The following HDAC10 variants were observed in gnomAD, a reference collection of about 807,000 sequenced individuals.
HDAC10 encodes the protein polyamine deacetylase HDAC10.
HDAC10 carries 90 observed loss-of-function variants against 82.3 expected under a neutral mutation model. The ratio of observed to expected loss-of-function variants is 1.09; its 90% CI spans 0.92 to 1.30. HDAC10 has a LOEUF of 1.30. Among genes scored for constraint, HDAC10 ranks in the 50% most tolerant of loss-of-function variants. The probability of loss-of-function intolerance (pLI) is 0.00; values close to 1 mark genes in which losing one functional copy is unlikely to be tolerated. For synonymous variants in HDAC10, 456 were observed against 391.7 expected (o/e 1.16, Z -1.94); for missense variants, 934 against 876.3 (o/e 1.07, Z -0.83).
At position 50,248,925 on chromosome 22, in the gene HDAC10, A is replaced by G. The variant is rs372265572; in HGVS notation, c.757-35T>C. On this transcript the variant is annotated intron_variant, in intron 8 of 19. Transcript: ENST00000216271. This position sits in a 1 kb window ranked among gnomAD's most constrained non-coding sequence, Gnocchi z 5.4. ...AGGCCGGAGTGGGGAGGGTCGACAG[A>G]GAGGGGCTGGAGCCCAGGTGAGGGC... 7.5e-6 allele frequency: 12 copies of G among 1,599,892 alleles called. No homozygotes were observed. Among genetic ancestry groups the G allele is most frequent in the Admixed American group, 3.4e-5 (2 of 58,468 alleles).
chr22:50,249,284 G>A lies in HDAC10; in HGVS notation c.690+44C>T, dbSNP rs2147241516. 2 of 1,509,924 alleles carry A rather than the reference G, an allele frequency of 1.3e-6. No homozygotes were observed. Among genetic ancestry groups the A allele is most frequent in the Non-Finnish European group, 8.9e-7 (1 of 1,122,630 alleles). 93.5% of individuals were successfully genotyped at this position (1,509,924 alleles called of 1,614,324 possible). On this transcript the variant is annotated intron_variant, in intron 7 of 19. Coordinates refer to ENST00000216271, the MANE Select transcript of HDAC10 (RefSeq NM_032019.6). This position sits in a 1 kb window ranked among gnomAD's most constrained non-coding sequence, Gnocchi z 4.4. ...AACTGTGGGGGAGGGGAGGGGCCCA[G>A]GGGGAGGGGGCTGGGTGGGGACCTG...
rs1462084056 is a variant in HDAC10 at position 50,249,855 on chromosome 22, C to A, written c.494+5G>T. 1.9e-6 allele frequency: 3 copies of A among 1,611,036 alleles called. No homozygotes were observed. The Admixed American group carries it at 5.0e-5, about 27-fold the overall frequency. On this transcript the variant is annotated splice_donor_5th_base_variant and intron_variant, in intron 5 of 19. Coordinates refer to ENST00000216271, the MANE Select transcript of HDAC10 (RefSeq NM_032019.6). The surrounding 1 kb of genome is among the most constrained non-coding windows in gnomAD (Gnocchi z 4.4). ...CCACCCCCCTGCAGCCAGCCTGGCA[C>A]ACACCTGTGTAGCCCGTGTTTCTGC...
Position 50,251,064 on chromosome 22 carries a change from C to A in HDAC10, c.-32G>T, listed in dbSNP as rs993644992. 6.3e-6 allele frequency: 10 copies of A among 1,596,620 alleles called. No individual in the cohort carries two copies. The highest frequency in any genetic ancestry group is 8.5e-6 in the Non-Finnish European group (10 of 1,170,334). ...GCCGTGGTCACCCTGGGTTCCCAAA[C>A]GCCCTCGCTAGTGGTGCCTGCCACT... On this transcript the variant is annotated 5_prime_UTR_variant, in exon 1 of 20. Coordinates refer to ENST00000216271, the MANE Select transcript of HDAC10 (RefSeq NM_032019.6).
At position 50,246,689 on chromosome 22, in the gene HDAC10, C is replaced by T. The variant is rs565204645; in HGVS notation, c.1561G>A (p.Ala521Thr). The T allele has an allele frequency of 3.5e-5, 56 of 1,611,562 alleles. No homozygotes were observed. The highest frequency in any genetic ancestry group is 9.3e-5 in the African/African-American group (7 of 75,002). Residue 521 changes from alanine (A) to threonine (T), a missense_variant, in exon 16 of 20, where the codon GCC becomes ACC. Physicochemically the swap from Ala to Thr is moderately conservative, Grantham distance 58. Coordinates refer to ENST00000216271, the MANE Select transcript of HDAC10 (RefSeq NM_032019.6). ...ACCTGAGAGTCCTACCCGTCATGGG[C>T]GAGGTCTGGAGGCCGGTCCAGCTGT... is the stretch of plus-strand genomic sequence containing the variant. ...LGQLDRPPDL[A>T]HDGRSLWLNI...
rs755353964 is a variant in HDAC10 at position 50,247,677 on chromosome 22, C to A, written c.1422+15G>T. The A allele has an allele frequency of 2.6e-6, 4 of 1,547,190 alleles. No individual in the cohort carries two copies. The highest frequency in any genetic ancestry group is 3.5e-6 in the Non-Finnish European group (4 of 1,138,300). On this transcript the variant is annotated intron_variant, in intron 14 of 19. Coordinates refer to ENST00000216271, the MANE Select transcript of HDAC10 (RefSeq NM_032019.6). Reference sequence around the variant, plus strand: ...TAGGTCCACAGCATCCCCAACCCCTCCCAGGTGCTCCCACCTGCCCATCCA... The same window carrying A: ...TAGGTCCACAGCATCCCCAACCCCTACCAGGTGCTCCCACCTGCCCATCCA...
In HDAC10 at chr22:50,249,766, G is replaced by A; in HGVS notation, c.495-63C>T. 6.2e-7 allele frequency: 1 copy of A among 1,607,532 alleles called. No homozygotes were observed. Among genetic ancestry groups the A allele is most frequent in the Non-Finnish European group, 8.5e-7 (1 of 1,176,312 alleles). ...CTCCCACCTCCAGGAGCCCGGCCAG[G>A]GATGGGAAGGTGCTGGCTGGGTTCT... On this transcript the variant is annotated intron_variant, in intron 5 of 19. Coordinates refer to ENST00000216271, the MANE Select transcript of HDAC10 (RefSeq NM_032019.6). This position sits in a 1 kb window ranked among gnomAD's most constrained non-coding sequence, Gnocchi z 4.4.
At position 50,249,056 on chromosome 22, in the gene HDAC10, G is replaced by A. The variant is rs1361414573; in HGVS notation, c.756+47C>T. 2 of 1,515,910 alleles carry A rather than the reference G, an allele frequency of 1.3e-6. No individual in the cohort carries two copies. Among genetic ancestry groups the A allele is most frequent in the Admixed American group, 3.8e-5 (2 of 52,598 alleles). The allele number at this position is 1,515,910 out of a possible 1,614,324, so 93.9% of individuals were successfully genotyped here. ...TTCACTGGCGCACTCCAGGCACAAGGTCCCCCTCCCACCCGGCTGCCCTGG... is the reference window on the plus strand; with the variant it reads ...TTCACTGGCGCACTCCAGGCACAAGATCCCCCTCCCACCCGGCTGCCCTGG... On this transcript the variant is annotated intron_variant, in intron 8 of 19. Coordinates refer to ENST00000216271, the MANE Select transcript of HDAC10 (RefSeq NM_032019.6). This position sits in a 1 kb window ranked among gnomAD's most constrained non-coding sequence, Gnocchi z 4.4.
Position 50,251,185 on chromosome 22 carries a change from A to G in HDAC10, c.-153T>C. On this transcript the variant is annotated 5_prime_UTR_variant, in exon 1 of 20. Transcript: ENST00000216271. ...CACCGGCCTGGGCGGGAGCGCACAG[A>G]ACCTAGGCAGGCTCCGGGATCCCAG... The G allele has an allele frequency of 1.4e-6, 1 of 706,858 alleles. No individual in the cohort carries two copies. The highest frequency in any genetic ancestry group is 2.9e-5 in the East Asian group (1 of 34,178). 43.8% of individuals were successfully genotyped at this position (706,858 alleles called of 1,614,324 possible).
At position 50,245,910 on chromosome 22, in the gene HDAC10, C is replaced by G; in HGVS notation, c.1833G>C (p.Glu611Asp). ...AGCACCTCCACCCTGCCCAGCTTAC[C>G]TCCTCCAGGAGGGCCAGGACTCGGC... is the stretch of plus-strand genomic sequence containing the variant. ...AGGRVLALLE[E>D]NSTPQLAGIL... The change falls in exon 18 of 20, where the codon GAG becomes GAC. Residue 611 changes from glutamate (E) to aspartate (D), a missense_variant and splice_region_variant. By Grantham distance (45) the Glu-to-Asp change is conservative (BLOSUM62 2). Transcript: ENST00000216271. 6.4e-7 allele frequency: 1 copy of G among 1,573,102 alleles called. No homozygotes were observed. The highest frequency in any genetic ancestry group is 8.6e-7 in the Non-Finnish European group (1 of 1,159,678).
In HDAC10 at chr22:50,248,706, G is replaced by T; in HGVS notation, c.862C>A (p.Leu288Met). The T allele has an allele frequency of 6.4e-7, 1 of 1,555,468 alleles. No individual in the cohort carries two copies. The highest frequency in any genetic ancestry group is 1.2e-5 in the South Asian group (1 of 83,710). ...CGGCCGCCGGCCAGCACCTGCAGCA[G>T]CTGTGTGAGGTGGGCGAAGCACTCT... ...TPECFAHLTQ[L>M]LQVLAGGRVC... Residue 288 changes from leucine (L) to methionine (M), a missense_variant, in exon 10 of 20, where the codon CTG (leucine) becomes ATG (methionine). Transcript: ENST00000216271. This position sits in a 1 kb window ranked among gnomAD's most constrained non-coding sequence, Gnocchi z 5.4.
chr22:50,249,816 T>A lies in HDAC10; in HGVS notation c.494+44A>T, dbSNP rs2065042690. On this transcript the variant is annotated intron_variant, in intron 5 of 19. Transcript: ENST00000216271. This position sits in a 1 kb window ranked among gnomAD's most constrained non-coding sequence, Gnocchi z 4.4. ...TCTCGCCTCCTGCGCTGCCCCTTGC[T>A]GTGTGGCCTGGGCCCACCCCCCTGC... is the stretch of plus-strand genomic sequence containing the variant. 1 of 1,603,988 alleles carries A rather than the reference T, an allele frequency of 6.2e-7. No homozygotes were observed. Among genetic ancestry groups the A allele is most frequent in the African/African-American group, 1.3e-5 (1 of 74,690 alleles).
rs1028918151 is a variant in HDAC10, at chr22:50,249,803, C to A, written c.494+57G>T. The A allele has an allele frequency of 6.2e-7, 1 of 1,600,404 alleles. No individual in the cohort carries two copies. Among genetic ancestry groups the A allele is most frequent in the African/African-American group, 1.3e-5 (1 of 74,724 alleles). ...GCTGGCTGGGTTCTCTCGCCTCCTG[C>A]GCTGCCCCTTGCTGTGTGGCCTGGG... On this transcript the variant is annotated intron_variant, in intron 5 of 19. Transcript: ENST00000216271. This position sits in a 1 kb window ranked among gnomAD's most constrained non-coding sequence, Gnocchi z 4.4.
At chr22:50,247,000 C>T in intron 14 of HDAC10, 34 bp from the exon 15 acceptor site, 2 of 1,387,746 alleles carry the variant, frequency 1.4e-6, no homozygotes, top group South Asian at 1.3e-5. Context: ...GAATGAGGCA[C>T]CAACCAACTC....
In HDAC10 at chr22:50,248,204, C is replaced by G. The variant is rs752338438; in HGVS notation, c.1081+21G>C. ...GGAGCCCGAGGTGGGATCCTGCAGC[C>G]TAGCACCCGGCCACACTGACCTTGC... On this transcript the variant is annotated intron_variant, in intron 12 of 19. Transcript: ENST00000216271. The surrounding 1 kb of genome is among the most constrained non-coding windows in gnomAD (Gnocchi z 5.4). 6.2e-7 allele frequency: 1 copy of G among 1,608,250 alleles called. No individual in the cohort carries two copies. Among genetic ancestry groups the G allele is most frequent in the Non-Finnish European group, 8.5e-7 (1 of 1,177,878 alleles).
chr22:50,247,452 AC>A, intron 14 of HDAC10: 1 of 455,152 alleles, frequency 2.2e-6, no homozygotes. Flanking sequence ...ACTTTAAATC[AC>A]CCCCTTCACC....
chr22:50,246,350 C>T lies in HDAC10; in HGVS notation c.1598G>A (p.Gly533Asp), dbSNP rs778579777. ...DGRSLWLNIR[G>D]KEAAALSMFH... The stretch of plus-strand genomic sequence containing the variant: ...CATGGATAGGGCAGCCGCCTCCTTG[C>T]CCCTGATGTTCAGCCACAGACTCCT... Residue 533 changes from glycine (G) to aspartate (D), a missense_variant, in exon 17 of 20, where the codon GGC becomes GAC. Transcript: ENST00000216271. 6.2e-7 allele frequency: 1 copy of T among 1,612,724 alleles called. No individual in the cohort carries two copies. The highest frequency in any genetic ancestry group is 8.5e-7 in the Non-Finnish European group (1 of 1,179,936).
rs1394164964 is a variant in HDAC10, at chr22:50,249,880, C to T, written c.474G>A (p.Lys158=). The T allele has an allele frequency of 6.2e-7, 1 of 1,612,742 alleles. No homozygotes were observed. Among genetic ancestry groups the T allele is most frequent in the East Asian group, 2.2e-5 (1 of 44,858 alleles). ...CACACCTGTGTAGCCCGTGTTTCTGCTTGGCATGTGCAGCTGCTATGGCCA... is the reference window on the plus strand; with the variant it reads ...CACACCTGTGTAGCCCGTGTTTCTGTTTGGCATGTGCAGCTGCTATGGCCA... The part of the protein sequence containing the change: ...NNVAIAAAHA[K]QKHGLHRILV... The change falls in exon 5 of 20, where the codon AAG becomes AAA. Residue 158 remains lysine (K), a synonymous_variant. Coordinates refer to ENST00000216271, the MANE Select transcript of HDAC10 (RefSeq NM_032019.6). The surrounding 1 kb of genome is among the most constrained non-coding windows in gnomAD (Gnocchi z 4.4).
At position 50,248,548 on chromosome 22, in the gene HDAC10, G is replaced by C. The variant is rs1272581659; in HGVS notation, c.907-76C>G. ...ATGTCACCGGGAGAGCCCCTGCCTG[G>C]CTCTATCCCGGGCAGGACGCCCCTC... On this transcript the variant is annotated intron_variant, in intron 10 of 19. Coordinates refer to ENST00000216271, the MANE Select transcript of HDAC10 (RefSeq NM_032019.6). This position sits in a 1 kb window ranked among gnomAD's most constrained non-coding sequence, Gnocchi z 5.4. 6.6e-7 allele frequency: 1 copy of C among 1,507,752 alleles called. No homozygotes were observed. The highest frequency in any genetic ancestry group is 1.4e-5 in the African/African-American group (1 of 72,682). The allele number at this position is 1,507,752 out of a possible 1,614,324, so 93.4% of individuals were successfully genotyped here.
Position 50,246,965 on chromosome 22 carries a change from A to C in HDAC10, c.1424T>G (p.Val475Gly). ...YLLDGMLDGQ[V>G]NSGIAATPAS... is the part of the protein sequence containing the mutation. ...TGGAGTGGCTGCTATACCACTGTTC[A>C]CCTGTGGGATGAATAAACAGTGGAG... The change falls in exon 15 of 20, where the codon GTG (valine) becomes GGG (glycine). Residue 475 changes from valine (V) to glycine (G), a missense_variant and splice_region_variant. Transcript: ENST00000216271. 17 of 1,593,370 alleles carry C rather than the reference A, an allele frequency of 1.1e-5. No individual in the cohort carries two copies. The highest frequency in any genetic ancestry group is 1.4e-5 in the Non-Finnish European group (16 of 1,166,978).
Sources: gnomAD v4.1 joint callset for allele counts on GRCh38, gnomAD v4.1.1 for gene constraint, Gnocchi (gnomAD v3.1) non-coding constraint, MANE v1.5 for transcripts, NCBI Gene and HGNC (gene_info 2026-07-23, HGNC 2026-07-21) for gene names.